The following RBM47 variants were observed in gnomAD, a reference collection of about 807,000 sequenced individuals.
RBM47 encodes RNA-binding protein 47.
Under a neutral mutation model 47.1 loss-of-function variants are expected in RBM47, and 21 were observed. That is an observed-to-expected ratio of 0.45 (90% CI 0.32 to 0.64). The LOEUF is 0.64. RBM47 is among the 30% of genes least tolerant of loss of function. The probability of loss-of-function intolerance (pLI) is 0.05; values close to 1 mark genes in which losing one functional copy is unlikely to be tolerated. For synonymous variants in RBM47, 375 were observed against 361.7 expected (o/e 1.04, Z -0.42); for missense variants, 708 against 870.9 (o/e 0.81, Z 2.35).
intron 1 of RBM47, among the ~76,000 whole-genome samples, chr4:40,562,103 C>A (rs1277625471): frequency 1.3e-5 from 2 of 152,078 alleles, no homozygotes; most frequent in Non-Finnish European, 2.9e-5. Context: ...GAAACATACC[C>A]CCAAGTGATA....
chr4:40,501,381 C>T (rs2154250196), intron 2 of RBM47, among the ~76,000 whole-genome samples: 1 of 152,298 alleles, frequency 6.6e-6, no homozygotes, highest in African/African-American at 2.4e-5. Flanking sequence ...ACAGTTCTAA[C>T]CTCAGAGGGT....
intron 2 of RBM47, among the ~76,000 whole-genome samples, chr4:40,539,739 C>CAAAAAAAA (rs56005602): frequency 2.3e-4 from 13 of 56,330 alleles, no homozygotes; most frequent in African/African-American, 9.0e-4. Context: ...GACTCTGTCT[C>CAAAAAAAA]AAAAAAAAAA....
At chr4:40,464,494 T>C (rs1717662010) in intron 3 of RBM47, among the ~76,000 whole-genome samples, 2 of 152,186 alleles carry the variant, frequency 1.3e-5, no homozygotes, top group Admixed American at 1.3e-4. Context: ...GGTCTCTCTC[T>C]CTGTCTCAAA....
At chr4:40,624,883 T>C in intron 1 of RBM47, among the ~76,000 whole-genome samples, 1 of 84,804 alleles carries the variant, frequency 1.2e-5, no homozygotes, top group Non-Finnish European at 2.3e-5. Context: ...TTTTTTTTTG[T>C]TGTTGTTGCC....
chr4:40,551,599 G>A lies in RBM47; in HGVS notation c.-239-7093C>T, dbSNP rs570289212. Among the ~76,000 whole-genome samples, 22 of 150,556 alleles carry A rather than the reference G, an allele frequency of 1.5e-4. 1 individual carries two copies. Among genetic ancestry groups the A allele is most frequent in the African/African-American group, 4.9e-4 (20 of 41,158 alleles). ...AAAAAGAAAGGAAAGGAGGGAAGAA[G>A]GAAGTACACAAGGAAGAGGGAGGGA... On this transcript the variant is annotated intron_variant, in intron 1 of 6. Coordinates refer to ENST00000295971, the MANE Select transcript of RBM47 (RefSeq NM_001098634.2).
chr4:40,584,554 A>G (rs1389985269), intron 1 of RBM47, among the ~76,000 whole-genome samples: 1 of 152,232 alleles, frequency 6.6e-6, no homozygotes, highest in African/African-American at 2.4e-5. Flanking sequence ...AAACTGAGAT[A>G]TTTCATATTC....
chr4:40,600,867 C>T (rs1735202042), intron 1 of RBM47, among the ~76,000 whole-genome samples: 1 of 150,598 alleles, frequency 6.6e-6, no homozygotes, highest in Admixed American at 6.6e-5. Context: ...CACCTGTAAT[C>T]TCAGCTACTC....
intron 2 of RBM47, among the ~76,000 whole-genome samples, chr4:40,526,606 C>G (rs974689712): frequency 2.0e-5 from 3 of 151,874 alleles, no homozygotes; most frequent in Admixed American, 6.6e-5. Flanking sequence ...CAGGATCTCC[C>G]TCTGTCACCC....
Position 40,443,717 on chromosome 4 carries a change from C to CAAAAA in RBM47, c.-31-4798_-31-4794dup, listed in dbSNP as rs10581870. Among the ~76,000 whole-genome samples the CAAAAA allele has an allele frequency of 5.0e-3, 240 of 47,740 alleles. 25 individuals carry two copies. The highest frequency in any genetic ancestry group is 5.9e-3 in the Non-Finnish European group (158 of 26,946). The allele number at this position is 47,740 out of a possible 152,430, so 31.3% of individuals were successfully genotyped here. A position where few individuals can be genotyped will look rare whatever the true frequency, so the allele number is the denominator to read the frequency against. Reference sequence around the variant, plus strand: ...GGGCAACAAGAGTGAAACTCCTTCTCAAAAAAAAAAAAAAAAAAAAAAAAA... The same window carrying CAAAAA: ...GGGCAACAAGAGTGAAACTCCTTCTCAAAAAAAAAAAAAAAAAAAAAAAAAAAAAA... On this transcript the variant is annotated intron_variant, in intron 3 of 6. Transcript: ENST00000295971.
At chr4:40,529,567 C>T (rs896459221) in intron 2 of RBM47, among the ~76,000 whole-genome samples, 1 of 134,936 alleles carries the variant, frequency 7.4e-6, no homozygotes, top group Non-Finnish European at 1.6e-5. Flanking sequence ...GGCATGGTGG[C>T]TCACACCTGT....
intron 1 of RBM47, among the ~76,000 whole-genome samples, chr4:40,572,977 C>A (rs1314091117): frequency 6.6e-6 from 1 of 151,208 alleles, no homozygotes; most frequent in Non-Finnish European, 1.5e-5. Flanking sequence ...AATGGTGAAA[C>A]CCTGTCTGCT....
rs1217810968 is a variant in RBM47 at position 40,424,177 on chromosome 4, C to T, written c.*1727G>A. The T allele has an allele frequency of 6.6e-6, 1 of 152,286 alleles. No individual in the cohort carries two copies. The highest frequency in any genetic ancestry group is 1.5e-5 in the Non-Finnish European group (1 of 68,036). The allele number at this position is 152,286 out of a possible 1,614,324, so 9.4% of individuals were successfully genotyped here. On this transcript the variant is annotated 3_prime_UTR_variant, in exon 7 of 7. Transcript: ENST00000295971. The stretch of plus-strand genomic sequence containing the variant: ...AAGTACTTGCTAAGGGCATGATCCT[C>T]TTATGAATCCACAAGAATTCAGCCA...
At chr4:40,529,110 T>C (rs912964516) in intron 2 of RBM47, among the ~76,000 whole-genome samples, 1 of 152,134 alleles carries the variant, frequency 6.6e-6, no homozygotes, top group African/African-American at 2.4e-5. Context: ...GCACTTGAAA[T>C]GTGCCGCTGG....
chr4:40,501,802 C>T (rs1174626509), intron 2 of RBM47, among the ~76,000 whole-genome samples: 1 of 152,136 alleles, frequency 6.6e-6, no homozygotes, highest in East Asian at 1.9e-4. Context: ...GCTTCCAATA[C>T]ACTTTAATAC....
At chr4:40,572,739 T>C (rs1031002958) in intron 1 of RBM47, among the ~76,000 whole-genome samples, 6 of 151,794 alleles carry the variant, frequency 4.0e-5, no homozygotes, top group Admixed American at 2.0e-4. Flanking sequence ...ATTTAAATAA[T>C]AAAAATTTTA....
At chr4:40,600,034 G>C (rs1735100851) in intron 1 of RBM47, among the ~76,000 whole-genome samples, 2 of 151,396 alleles carry the variant, frequency 1.3e-5, no homozygotes, top group Non-Finnish European at 2.9e-5. Flanking sequence ...CTGAGACAAG[G>C]CCTCACTCTG....
intron 5 of RBM47, among the ~76,000 whole-genome samples, chr4:40,434,064 A>C (rs963034299): frequency 6.7e-6 from 1 of 149,516 alleles, no homozygotes; most frequent in Non-Finnish European, 1.5e-5. Context: ...AAAAATATGA[A>C]ATGTGTACAC....
chr4:40,594,116 AC>A (rs1419757948), intron 1 of RBM47, among the ~76,000 whole-genome samples: 1 of 151,188 alleles, frequency 6.6e-6, no homozygotes, highest in Admixed American at 6.6e-5. Flanking sequence ...CTCTACCCCC[AC>A]CCCCGCTTCC....
chr4:40,549,195 G>A lies in RBM47; in HGVS notation c.-239-4689C>T, dbSNP rs181480392. Among the ~76,000 whole-genome samples the A allele has an allele frequency of 4.0e-4, 60 of 151,664 alleles. 1 individual carries two copies. The highest frequency in any genetic ancestry group is 1.4e-3 in the African/African-American group (57 of 41,324). ...CAACCTCCGCCCCCTGGGTTCAAGC[G>A]ATTCTCCTGCCTCAGCCTCCCGAAT... On this transcript the variant is annotated intron_variant, in intron 1 of 6. Transcript: ENST00000295971.
Sources: allele counts gnomAD v4.1 joint callset (sites outside exome capture counted in the v4.1 genomes callset), GRCh38; gene constraint gnomAD v4.1.1; transcripts MANE v1.5; gene names NCBI Gene and HGNC (gene_info 2026-07-23, HGNC 2026-07-21).